PHACTR3: variants seen among roughly 807,000 people sequenced by gnomAD.
PHACTR3 encodes the protein phosphatase and actin regulator 3.
PHACTR3 carries 16 observed loss-of-function variants against 66.8 expected under a neutral mutation model. That is an observed-to-expected ratio of 0.24 (90% CI 0.16 to 0.36). PHACTR3 has a LOEUF of 0.36. Ranked by LOEUF, PHACTR3 falls within the 10% of genes least tolerant of loss-of-function variation. The pLI, the probability that PHACTR3 is intolerant of heterozygous loss-of-function variation, is 1.00. For missense variants in PHACTR3, 647 were observed against 719.9 expected, an observed-to-expected ratio of 0.90 and a Z score of 1.16; for synonymous variants, 323 against 292.1, an observed-to-expected ratio of 1.11 and a Z score of -1.08.
At position 59,605,098 on chromosome 20, in the gene PHACTR3, G is replaced by T; in HGVS notation, c.84G>T (p.Ser28=). The T allele has an allele frequency of 7.1e-7, 1 of 1,400,596 alleles. No individual in the cohort carries two copies. The allele number at this position is 1,400,596 out of a possible 1,614,324, so 86.8% of individuals were successfully genotyped here. A position where few individuals can be genotyped will look rare whatever the true frequency, so the allele number is the denominator to read the frequency against. ...QSDPSVLTDS[S]ATSSADAGEN... The stretch of plus-strand genomic sequence containing the variant: ...ACCCCAGCGTCCTCACCGACTCCTC[G>T]GCCACCTCCTCCGCGGACGCCGGGG... The change falls in exon 1 of 13, where the codon TCG becomes TCT. Residue 28 remains serine, a synonymous_variant. Coordinates refer to ENST00000371015, the MANE Select transcript of PHACTR3 (RefSeq NM_080672.5).
At position 59,604,808 on chromosome 20, in the gene PHACTR3, G is replaced by A; in HGVS notation, c.-207G>A. 8.3e-7 allele frequency: 1 copy of A among 1,209,394 alleles called. No individual in the cohort carries two copies. Among genetic ancestry groups the A allele is most frequent in the South Asian group, 4.3e-5 (1 of 23,294 alleles). 74.9% of individuals were successfully genotyped at this position (1,209,394 alleles called of 1,614,324 possible). On this transcript the variant is annotated 5_prime_UTR_variant, in exon 1 of 13. Coordinates refer to ENST00000371015, the MANE Select transcript of PHACTR3 (RefSeq NM_080672.5). Reference sequence around the variant, plus strand: ...GCCGGGATGCGCCTGGCTGCAGCCGGCGAGGCTATTGTCTCCCCGCCCTGA... The same window carrying A: ...GCCGGGATGCGCCTGGCTGCAGCCGACGAGGCTATTGTCTCCCCGCCCTGA...
chr20:59,743,098 G>A lies in PHACTR3; in HGVS notation c.119-9G>A, dbSNP rs750197971. On this transcript the variant is annotated splice_polypyrimidine_tract_variant and intron_variant, in intron 1 of 12. Transcript: ENST00000371015. ...CCACTTGAGGACCCCCTTGGTTTTC[G>A]TCTTCCAGATGAGATGGACCAAACG... 1.9e-5 allele frequency: 31 copies of A among 1,608,342 alleles called. No individual in the cohort carries two copies. Among genetic ancestry groups the A allele is most frequent in the Middle Eastern group, 1.8e-4 (1 of 5,676 alleles).
chr20:59,834,698 G>A (rs926037985), intron 8 of PHACTR3, among the ~76,000 whole-genome samples: 1 of 152,236 alleles, frequency 6.6e-6, no homozygotes, highest in Admixed American at 6.5e-5. Context: ...GGGTCTCAGC[G>A]AAATGTATCT....
At chr20:59,594,499 C>A (rs1368703208) in intron 1 of PHACTR3, among the ~76,000 whole-genome samples, 1 of 152,070 alleles carries the variant, frequency 6.6e-6, no homozygotes, top group East Asian at 1.9e-4. Flanking sequence ...TGTTGAAAAC[C>A]TGTCTGAGTT....
chr20:59,714,065 C>A (rs1006971308), intron 1 of PHACTR3, among the ~76,000 whole-genome samples: 3 of 151,808 alleles, frequency 2.0e-5, no homozygotes, highest in Non-Finnish European at 4.4e-5. Context: ...TTATGAAGTA[C>A]CTGTTGAGTT....
Position 59,830,388 on chromosome 20 carries a change from G to C in PHACTR3, c.1329-6117G>C, listed in dbSNP as rs1000948993. 3.3e-5 allele frequency among the ~76,000 whole-genome samples: 5 copies of C among 151,956 alleles called. No homozygotes were observed. The highest frequency in any genetic ancestry group is 9.7e-5 in the African/African-American group (4 of 41,332). On this transcript the variant is annotated intron_variant, in intron 8 of 12. Transcript: ENST00000371015. This position sits in a 1 kb window ranked among gnomAD's most constrained non-coding sequence, Gnocchi z 5.8. ...AGACGGTGTGAATGTCTGATGGAGA[G>C]AGCATGAGTGATGAAGAGGGTGTGA...
intron 7 of PHACTR3, 145 bp from the exon 8 acceptor site, chr20:59,805,896 G>T: frequency 2.4e-6 from 2 of 837,368 alleles, no homozygotes; most frequent in South Asian, 3.5e-5. Context: ...GCTGGCGAGC[G>T]TGTGTCCTCT....
intron 1 of PHACTR3, among the ~76,000 whole-genome samples, chr20:59,628,998 C>T (rs1016338113): frequency 2.2e-4 from 33 of 152,234 alleles, no homozygotes; most frequent in African/African-American, 8.0e-4. Context: ...ACTAAACCAA[C>T]TAAACCAGAG....
chr20:59,723,104 TTCTTTCTTTC>T (rs2038405730), intron 1 of PHACTR3, among the ~76,000 whole-genome samples: 1 of 148,802 alleles, frequency 6.7e-6, no homozygotes, highest in African/African-American at 2.6e-5. Context: ...CTTTCTTTCT[TTCTTTCTTTC>T]TTTCTTCAGC....
intron 8 of PHACTR3, among the ~76,000 whole-genome samples, chr20:59,810,760 C>T (rs1381960989): frequency 6.6e-6 from 1 of 152,192 alleles, no homozygotes; most frequent in Non-Finnish European, 1.5e-5. Context: ...AGTCAGGGTC[C>T]CATTTGAAAG....
chr20:59,674,506 C>CCTT (rs1179094211), intron 1 of PHACTR3, among the ~76,000 whole-genome samples: 28 of 112,440 alleles, frequency 2.5e-4, no homozygotes, highest in African/African-American at 9.0e-4. Flanking sequence ...TTCTCCTGTT[C>CCTT]CCCCTTCTCC....
In PHACTR3 at chr20:59,619,578, G is replaced by A. The variant is rs951355875; in HGVS notation, c.118+14446G>A. Among the ~76,000 whole-genome samples, 9 of 152,038 alleles carry A rather than the reference G, an allele frequency of 5.9e-5. 1 individual carries two copies. The highest frequency in any genetic ancestry group is 5.9e-4 in the Admixed American group (9 of 15,264). On this transcript the variant is annotated intron_variant, in intron 1 of 12. Transcript: ENST00000371015. ...ACCCCGAGCAGATGAGAAGGCACCTGGGCTGACACACCGATTTCAGCCTTT... is the reference window on the plus strand; with the variant it reads ...ACCCCGAGCAGATGAGAAGGCACCTAGGCTGACACACCGATTTCAGCCTTT...
chr20:59,786,150 C>G (rs1284009728), intron 7 of PHACTR3, among the ~76,000 whole-genome samples: 2 of 152,246 alleles, frequency 1.3e-5, no homozygotes, highest in African/African-American at 4.8e-5. Context: ...GGGATCCTCC[C>G]CTTTGCCCTG....
intron 1 of PHACTR3, among the ~76,000 whole-genome samples, chr20:59,625,309 G>T (rs995420577): frequency 6.6e-6 from 1 of 152,040 alleles, no homozygotes; most frequent in Non-Finnish European, 1.5e-5. Flanking sequence ...TGGTGTGGTT[G>T]GGAGGAGTGG....
At chr20:59,757,619 G>C (rs2039848130) in intron 4 of PHACTR3, among the ~76,000 whole-genome samples, 1 of 152,136 alleles carries the variant, frequency 6.6e-6, no homozygotes, top group Non-Finnish European at 1.5e-5. Flanking sequence ...CGTCGGTGGT[G>C]AAAGGGTGGG....
At chr20:59,806,308 C>A in intron 8 of PHACTR3, 114 bp downstream of exon 8, 2 of 1,367,286 alleles carry the variant, frequency 1.5e-6, no homozygotes, top group Non-Finnish European at 2.0e-6. Context: ...CCACCGTCTG[C>A]AGCAGGTCTC....
rs140286294 is a variant in PHACTR3, at chr20:59,810,606, C to T, written c.1328+4412C>T. ...GTGCCATCTACTGTATCCCAAAGAA[C>T]ATTTGCGATTTCCTTTTTTTAATTT... On this transcript the variant is annotated intron_variant, in intron 8 of 12. Transcript: ENST00000371015. Among the ~76,000 whole-genome samples, 1,491 of 152,314 alleles carry T rather than the reference C, an allele frequency of 9.8e-3. 7 individuals carry two copies. The highest frequency in any genetic ancestry group is 0.013 in the Non-Finnish European group (916 of 68,028).
chr20:59,773,549 T>C (rs1428906771), intron 6 of PHACTR3, 96 bp downstream of exon 6: 1 of 1,291,966 alleles, frequency 7.7e-7, no homozygotes, highest in African/African-American at 1.5e-5. Context: ...GGGCCTTGGC[T>C]GGGTGTCCCG....
In PHACTR3 at chr20:59,605,077, C is replaced by T. The variant is rs2033611057; in HGVS notation, c.63C>T (p.Pro21=). 1.4e-6 allele frequency: 2 copies of T among 1,421,378 alleles called. No individual in the cohort carries two copies. The highest frequency in any genetic ancestry group is 3.1e-5 in the East Asian group (1 of 32,770). 88.0% of individuals were successfully genotyped at this position (1,421,378 alleles called of 1,614,324 possible). The change falls in exon 1 of 13, where the codon CCC becomes CCT. Residue 21 remains proline, a synonymous_variant. Coordinates refer to ENST00000371015, the MANE Select transcript of PHACTR3 (RefSeq NM_080672.5). ...CGCGGGGCCGCTCGCAGAGTGACCC[C>T]AGCGTCCTCACCGACTCCTCGGCCA... ...LVSRGRSQSD[P]SVLTDSSATS... is the part of the protein sequence containing the mutation.
Sources: gnomAD v4.1 joint callset for allele counts (sites outside exome capture counted in the v4.1 genomes callset) on GRCh38, gnomAD v4.1.1 for gene constraint, Gnocchi (gnomAD v3.1) non-coding constraint, MANE v1.5 for transcripts, NCBI Gene and HGNC (gene_info 2026-07-23, HGNC 2026-07-21) for gene names.